Variants in PPP4R2 observed in about 807,000 individuals in gnomAD.
PPP4R2 encodes protein phosphatase 4 regulatory subunit 2.
PPP4R2 carries 13 observed loss-of-function variants against 47.2 expected under a neutral mutation model. The ratio of observed to expected loss-of-function variants is 0.28; its 90% CI spans 0.18 to 0.44. PPP4R2 has a LOEUF of 0.44. Ranked by LOEUF, PPP4R2 falls within the 20% of genes least tolerant of loss-of-function variation. The probability of loss-of-function intolerance (pLI) is 1.00; values close to 1 mark genes in which losing one functional copy is unlikely to be tolerated. For missense variants in PPP4R2, 421 were observed against 491.2 expected, an observed-to-expected ratio of 0.86 and a Z score of 1.35; for synonymous variants, 151 against 163.3, an observed-to-expected ratio of 0.92 and a Z score of 0.57.
Position 73,064,835 on chromosome 3 carries a change from T to C in PPP4R2, c.639-17T>C. The C allele has an allele frequency of 5.1e-6, 8 of 1,560,790 alleles. No individual in the cohort carries two copies. Among genetic ancestry groups the C allele is most frequent in the Non-Finnish European group, 6.0e-6 (7 of 1,158,300 alleles). ...GAAAATAATCTTATTAATGACACTT[T>C]AAAAAAACATTTACAGTGACTCTTC... On this transcript the variant is annotated splice_polypyrimidine_tract_variant and intron_variant, in intron 7 of 8. Coordinates refer to ENST00000356692, the MANE Select transcript of PPP4R2 (RefSeq NM_174907.4).
intron 2 of PPP4R2, among the ~76,000 whole-genome samples, chr3:73,012,508 A>T (rs534245490): frequency 2.6e-5 from 4 of 152,146 alleles, no homozygotes; most frequent in Non-Finnish European, 1.5e-5. Flanking sequence ...TCACCATGTT[A>T]GCCAGGATGG....
chr3:73,059,866 C>T (rs762880916), intron 4 of PPP4R2, among the ~76,000 whole-genome samples: 1 of 147,298 alleles, frequency 6.8e-6, no homozygotes, highest in African/African-American at 2.5e-5. Context: ...ACCTGGGAGA[C>T]GGAGGTTGCA....
At chr3:73,023,746 A>AT (rs1264580408) in intron 2 of PPP4R2, among the ~76,000 whole-genome samples, 1 of 152,322 alleles carries the variant, frequency 6.6e-6, no homozygotes, top group East Asian at 1.9e-4. Flanking sequence ...AAAATAAAAA[A>AT]TGGAAGTGGA....
At chr3:73,038,733 A>C (rs896223558) in intron 2 of PPP4R2, among the ~76,000 whole-genome samples, 1 of 152,118 alleles carries the variant, frequency 6.6e-6, no homozygotes, top group Non-Finnish European at 1.5e-5. Flanking sequence ...TTTTTGTTTT[A>C]ATTGGTAGGG....
chr3:73,014,487 C>G (rs1257010670), intron 2 of PPP4R2, among the ~76,000 whole-genome samples: 1 of 151,704 alleles, frequency 6.6e-6, no homozygotes, highest in Non-Finnish European at 1.5e-5. Flanking sequence ...GGGTCTTGCT[C>G]AGGCTGGTTG....
intron 3 of PPP4R2, among the ~76,000 whole-genome samples, chr3:73,052,242 T>C (rs1399675106): frequency 2.8e-5 from 1 of 36,224 alleles, no homozygotes; most frequent in Non-Finnish European, 5.9e-5. Context: ...AATTTCTTTC[T>C]TTTCTTTTTT....
chr3:73,055,435 TGTGTGTGTGTGTG>T (rs1702712827), intron 3 of PPP4R2, among the ~76,000 whole-genome samples: 1 of 150,460 alleles, frequency 6.6e-6, no homozygotes, highest in East Asian at 1.9e-4. Context: ...TGTGTGTGTG[TGTGTGTGTGTGTG>T]TGTGTGTATT....
intron 1 of PPP4R2, among the ~76,000 whole-genome samples, chr3:72,997,716 G>C (rs1292475102): frequency 1.3e-5 from 2 of 152,170 alleles, no homozygotes; most frequent in Non-Finnish European, 2.9e-5. Flanking sequence ...TTCTTAGAAA[G>C]GCAGATTTAT....
chr3:73,062,138 G>T (rs1042959945), intron 5 of PPP4R2: 3 of 1,546,412 alleles, frequency 1.9e-6, no homozygotes, highest in Admixed American at 2.1e-5. Flanking sequence ...TTTTTGTTTG[G>T]GTCTGTGACA....
intron 2 of PPP4R2, among the ~76,000 whole-genome samples, chr3:73,042,450 C>T (rs1575871416): frequency 6.7e-6 from 1 of 150,364 alleles, no homozygotes; most frequent in East Asian, 2.0e-4. Flanking sequence ...CTGCAACCTC[C>T]GCCTCCTGGG....
chr3:73,028,196 G>T (rs370176752), intron 2 of PPP4R2, among the ~76,000 whole-genome samples: 7,730 of 115,156 alleles, frequency 0.067, 670 homozygotes, highest in African/African-American at 0.23. Flanking sequence ...GGTGGAGGTT[G>T]CAGTGAGCTG....
intron 2 of PPP4R2, among the ~76,000 whole-genome samples, chr3:73,030,353 C>T (rs1053692724): frequency 6.6e-6 from 1 of 151,970 alleles, no homozygotes; most frequent in Non-Finnish European, 1.5e-5. Flanking sequence ...CTGGTGGGAC[C>T]CTGGAAATTC....
chr3:73,014,815 T>G (rs947805082), intron 2 of PPP4R2: 2 of 405,546 alleles, frequency 4.9e-6, no homozygotes, highest in African/African-American at 4.1e-5. Flanking sequence ...TTGAAAGTGA[T>G]AATATTCTAA....
intron 2 of PPP4R2, among the ~76,000 whole-genome samples, chr3:73,019,027 T>C (rs1325556629): frequency 6.6e-6 from 1 of 152,198 alleles, no homozygotes; most frequent in Non-Finnish European, 1.5e-5. Context: ...AATAGAGATA[T>C]GTACCATATA....
At chr3:73,007,467 T>A (rs1701635289) in intron 2 of PPP4R2, among the ~76,000 whole-genome samples, 1 of 138,860 alleles carries the variant, frequency 7.2e-6, no homozygotes, top group South Asian at 2.4e-4. Flanking sequence ...TCTGTTTTTT[T>A]CTGTTTTTTG....
At chr3:73,049,358 G>A (rs1379810064) in intron 3 of PPP4R2, among the ~76,000 whole-genome samples, 1 of 152,056 alleles carries the variant, frequency 6.6e-6, no homozygotes, top group African/African-American at 2.4e-5. Flanking sequence ...AATCAGCTGG[G>A]CGTTGTCGCG....
intron 3 of PPP4R2, among the ~76,000 whole-genome samples, chr3:73,050,108 T>G (rs566159769): frequency 2.6e-5 from 4 of 151,630 alleles, no homozygotes; most frequent in Non-Finnish European, 5.9e-5. Context: ...CCCAGCTATG[T>G]TTTTTTTGTT....
At chr3:73,007,958 G>A (rs1268737507) in intron 2 of PPP4R2, among the ~76,000 whole-genome samples, 1 of 151,690 alleles carries the variant, frequency 6.6e-6, no homozygotes, top group East Asian at 1.9e-4. Context: ...TTTCAGGTCA[G>A]CTGAGTTTTT....
At chr3:73,034,874 C>G (rs1247135700) in intron 2 of PPP4R2, among the ~76,000 whole-genome samples, 2 of 151,040 alleles carry the variant, frequency 1.3e-5, no homozygotes, top group Non-Finnish European at 2.9e-5. Flanking sequence ...TCCAACAGTT[C>G]AGATCATTGG....
Sources: allele counts gnomAD v4.1 joint callset (sites outside exome capture counted in the v4.1 genomes callset), GRCh38; gene constraint gnomAD v4.1.1; transcripts MANE v1.5; gene names NCBI Gene and HGNC (gene_info 2026-07-23, HGNC 2026-07-21).